Variants in NCK2 observed in about 807,000 individuals in gnomAD.
The protein encoded by NCK2 is NCK adaptor protein 2, also known as cytoplasmic protein NCK2.
Under a neutral mutation model 33.9 loss-of-function variants are expected in NCK2, and 16 were observed. That is an observed-to-expected ratio of 0.47 (90% CI 0.32 to 0.72). NCK2 has a LOEUF of 0.72. Among genes scored for constraint, NCK2 ranks in the 30% least tolerant of loss-of-function variants. The probability of loss-of-function intolerance (pLI) is 0.03; values close to 1 mark genes in which losing one functional copy is unlikely to be tolerated. For synonymous variants in NCK2, 273 were observed against 239.9 expected (o/e 1.14, Z -1.27); for missense variants, 418 against 537.3 (o/e 0.78, Z 2.19).
At chr2:105,861,392 C>T (rs1443937857) in intron 3 of NCK2, among the ~76,000 whole-genome samples, 1 of 152,180 alleles carries the variant, frequency 6.6e-6, no homozygotes, top group African/African-American at 2.4e-5. Flanking sequence ...GACCACCTCT[C>T]TATGGGGAAG....
In NCK2 at chr2:105,893,434, C is replaced by T; in HGVS notation, c.*258C>T. ...ATTATTCCTTTTCCATCGGAAGTGG[C>T]GCTCGTGCATTCAACTCGTTCCCGC... On this transcript the variant is annotated 3_prime_UTR_variant, in exon 5 of 5. Coordinates refer to ENST00000233154, the MANE Select transcript of NCK2 (RefSeq NM_003581.5). The T allele has an allele frequency of 4.7e-6, 2 of 424,700 alleles. No homozygotes were observed. The highest frequency in any genetic ancestry group is 7.5e-5 in the South Asian group (2 of 26,532). 26.3% of individuals were successfully genotyped at this position (424,700 alleles called of 1,614,324 possible).
intron 1 of NCK2, among the ~76,000 whole-genome samples, chr2:105,786,331 G>T (rs566202015): frequency 3.3e-5 from 5 of 152,374 alleles, no homozygotes; most frequent in Admixed American, 1.3e-4. Context: ...GCACGGACTT[G>T]TTCCATTAGC....
At chr2:105,750,036 A>AC (rs1491526565) in intron 1 of NCK2, among the ~76,000 whole-genome samples, 102 of 122,188 alleles carry the variant, frequency 8.3e-4, no homozygotes, top group Middle Eastern at 3.8e-3. Context: ...AAAAGCAAAC[A>AC]AACACACACA....
intron 1 of NCK2, among the ~76,000 whole-genome samples, chr2:105,765,313 T>A (rs926473040): frequency 6.6e-6 from 1 of 152,238 alleles, no homozygotes; most frequent in Non-Finnish European, 1.5e-5. Context: ...AATTTGTACA[T>A]ACTGTGACTA....
rs1461457596 is a variant in NCK2 at position 105,762,724 on chromosome 2, TGAAA to T, written c.-201+17589_-201+17592del. 1.1e-4 allele frequency among the ~76,000 whole-genome samples: 17 copies of T among 152,370 alleles called. No homozygotes were observed. In the East Asian group the frequency reaches 2.9e-3, roughly 26 times the overall value. ...TTACATAATAGTGATGCACGTGTGT[TGAAA>T]GAGTGACTGCTTTTATCATTGCTCT... On this transcript the variant is annotated intron_variant, in intron 1 of 4. Coordinates refer to ENST00000233154, the MANE Select transcript of NCK2 (RefSeq NM_003581.5).
chr2:105,765,934 T>C (rs1237828316), intron 1 of NCK2, among the ~76,000 whole-genome samples: 2 of 151,906 alleles, frequency 1.3e-5, no homozygotes, highest in Non-Finnish European at 1.5e-5. Flanking sequence ...ACAATAAATA[T>C]GTGGGTGTAA....
chr2:105,755,974 AC>A (rs1689589006), intron 1 of NCK2, among the ~76,000 whole-genome samples: 2 of 152,370 alleles, frequency 1.3e-5, no homozygotes, highest in South Asian at 4.1e-4. Context: ...ATTAGACCTT[AC>A]GAAGGGAAAA....
chr2:105,817,292 T>C (rs998018703), intron 2 of NCK2, among the ~76,000 whole-genome samples: 1 of 152,126 alleles, frequency 6.6e-6, no homozygotes, highest in Admixed American at 6.5e-5. Flanking sequence ...ATCATAACTG[T>C]GATGCAACAT....
At chr2:105,868,391 G>C (rs1336270264) in intron 3 of NCK2, among the ~76,000 whole-genome samples, 2 of 152,200 alleles carry the variant, frequency 1.3e-5, no homozygotes, top group Non-Finnish European at 2.9e-5. Flanking sequence ...TAAGTTAAAG[G>C]CTGGGGTGGC....
intron 2 of NCK2, among the ~76,000 whole-genome samples, chr2:105,839,613 TC>T (rs1467022480): frequency 1.3e-5 from 2 of 152,154 alleles, no homozygotes; most frequent in African/African-American, 4.8e-5. Flanking sequence ...CTTTTGTTTT[TC>T]ATGGGGAGAA....
At chr2:105,872,913 T>A (rs990092856) in intron 3 of NCK2, among the ~76,000 whole-genome samples, 10 of 152,336 alleles carry the variant, frequency 6.6e-5, no homozygotes, top group African/African-American at 2.4e-4. Context: ...AGTGAGTACA[T>A]TCTGATGCCC....
At chr2:105,832,767 G>A (rs1573174704) in intron 2 of NCK2, among the ~76,000 whole-genome samples, 1 of 147,328 alleles carries the variant, frequency 6.8e-6, no homozygotes, top group East Asian at 2.0e-4. Context: ...TGTAGTTTTT[G>A]TTGTTGTTGT....
intron 3 of NCK2, among the ~76,000 whole-genome samples, chr2:105,856,149 G>GT (rs1475804282): frequency 6.6e-6 from 1 of 152,142 alleles, no homozygotes; most frequent in East Asian, 1.9e-4. Context: ...TGTGCCTCTT[G>GT]TTTTCCCAGG....
intron 4 of NCK2, among the ~76,000 whole-genome samples, chr2:105,887,468 C>A (rs1230643082): frequency 1.3e-5 from 2 of 152,086 alleles, no homozygotes; most frequent in Non-Finnish European, 2.9e-5. Context: ...GGAGATCAGT[C>A]CAGGGTCTGT....
chr2:105,816,328 A>C (rs1675484667), intron 1 of NCK2, 102 bp from the exon 2 acceptor site: 1 of 152,152 alleles, frequency 6.6e-6, no homozygotes, highest in East Asian at 1.9e-4. Context: ...AATAACAAAA[A>C]AACCCATTAG....
At chr2:105,891,232 A>T (rs1243435107) in intron 4 of NCK2, among the ~76,000 whole-genome samples, 1 of 151,220 alleles carries the variant, frequency 6.6e-6, no homozygotes, top group Non-Finnish European at 1.5e-5. Flanking sequence ...GCGGTATCTC[A>T]TGCTCCTCTT....
chr2:105,768,786 C>T (rs928290840), intron 1 of NCK2, among the ~76,000 whole-genome samples: 1 of 152,204 alleles, frequency 6.6e-6, no homozygotes, highest in Non-Finnish European at 1.5e-5. Flanking sequence ...TTGGACACCC[C>T]TGTTTTAAAG....
Position 105,882,041 on chromosome 2 carries a change from GAGTCCT to G in NCK2, c.941_946del (p.Glu314_Ser316delinsAla). 1 of 1,499,448 alleles carries G rather than the reference GAGTCCT, an allele frequency of 6.7e-7. No homozygotes were observed. The highest frequency in any genetic ancestry group is 8.9e-7 in the Non-Finnish European group (1 of 1,123,800). 92.9% of individuals were successfully genotyped at this position (1,499,448 alleles called of 1,614,324 possible). ...GGGCGACTTCCTCATTAGGGACAGC[GAGTCCT>G]CGGTAAGTGCGCTGCGCCCACAGCT... On this transcript the variant is annotated inframe_deletion and splice_region_variant, in exon 4 of 5. Transcript: ENST00000233154.
intron 1 of NCK2, among the ~76,000 whole-genome samples, chr2:105,798,364 A>ATT (rs931701392): frequency 6.6e-6 from 1 of 151,100 alleles, no homozygotes; most frequent in Admixed American, 6.6e-5. Flanking sequence ...TAGCTGAGTC[A>ATT]TTTTTTTTTC....
Sources: allele counts gnomAD v4.1 joint callset (sites outside exome capture counted in the v4.1 genomes callset), GRCh38; gene constraint gnomAD v4.1.1; transcripts MANE v1.5; gene names NCBI Gene and HGNC (gene_info 2026-07-23, HGNC 2026-07-21).